The following ABCD2 variants were observed in gnomAD, a reference collection of about 807,000 sequenced individuals.
ABCD2 encodes ATP binding cassette subfamily D member 2.
In ABCD2, 36 loss-of-function variants were observed where a neutral mutation model predicts 70.9. The observed-to-expected ratio is 0.51, with a 90% CI of 0.39 to 0.67. The LOEUF (loss-of-function observed/expected upper bound fraction) is 0.67. ABCD2 is among the 30% of genes least tolerant of loss of function. The pLI is 0.00. For synonymous variants in ABCD2, 304 were observed against 306.9 expected (o/e 0.99, Z 0.10); for missense variants, 729 against 890.2 (o/e 0.82, Z 2.30).
intron 6 of ABCD2, among the ~76,000 whole-genome samples, chr12:39,589,829 T>C (rs910979850): frequency 6.6e-6 from 1 of 152,202 alleles, no homozygotes; most frequent in African/African-American, 2.4e-5. Flanking sequence ...TCAAATATTG[T>C]TTTATTAAAG....
chr12:39,590,829 A>G (rs1204163894), intron 6 of ABCD2, among the ~76,000 whole-genome samples: 1 of 152,026 alleles, frequency 6.6e-6, no homozygotes, highest in African/African-American at 2.4e-5. Flanking sequence ...ACAAAGCTAG[A>G]AAGAATGGGA....
chr12:39,580,715 A>C (rs996072254), intron 7 of ABCD2, among the ~76,000 whole-genome samples: 1 of 152,210 alleles, frequency 6.6e-6, no homozygotes, highest in Non-Finnish European at 1.5e-5. Context: ...ACAGATACTT[A>C]CAGCAAAATT....
rs373448064 is a variant in ABCD2, at chr12:39,583,214, C to T, written c.1792+2938G>A. ...ACTGTGCTAATGTTTTACATACAGTCTTATTTAATCTTCACAAAAAACTTA... is the reference window on the plus strand; with the variant it reads ...ACTGTGCTAATGTTTTACATACAGTTTTATTTAATCTTCACAAAAAACTTA... On this transcript the variant is annotated intron_variant, in intron 7 of 9. Coordinates refer to ENST00000308666, the MANE Select transcript of ABCD2 (RefSeq NM_005164.4). Among the ~76,000 whole-genome samples the T allele has an allele frequency of 1.3e-3, 202 of 152,204 alleles. 1 individual carries two copies. The highest frequency in any genetic ancestry group is 4.7e-3 in the African/African-American group (197 of 41,544).
the ABCD2 span, among the ~76,000 whole-genome samples, chr12:39,538,279 C>T: frequency 6.6e-6 from 1 of 151,178 alleles, no homozygotes; most frequent in Non-Finnish European, 1.5e-5. Flanking sequence ...AAGCGATTCT[C>T]CTGTCTCAGC....
intron 9 of ABCD2, among the ~76,000 whole-genome samples, chr12:39,570,563 C>T (rs925295322): frequency 6.6e-6 from 1 of 152,088 alleles, no homozygotes; most frequent in African/African-American, 2.4e-5. Flanking sequence ...TTATTGCTCA[C>T]CATATGCAAA....
intron 2 of ABCD2, among the ~76,000 whole-genome samples, chr12:39,616,253 A>T (rs1382846364): frequency 2.6e-5 from 4 of 152,158 alleles, no homozygotes; most frequent in African/African-American, 4.8e-5. Flanking sequence ...ACCAATTAAG[A>T]TCCAAGCTCC....
At chr12:39,542,671 A>C in the ABCD2 span, among the ~76,000 whole-genome samples, 1 of 152,292 alleles carries the variant, frequency 6.6e-6, no homozygotes, top group Non-Finnish European at 1.5e-5. Context: ...GCTGTGGAGT[A>C]TGAAGAGCAA....
In ABCD2 at chr12:39,595,025, C is replaced by G. The variant is rs952954156; in HGVS notation, c.1646+5546G>C. Among the ~76,000 whole-genome samples, 5 of 151,908 alleles carry G rather than the reference C, an allele frequency of 3.3e-5. 1 individual carries two copies. The highest frequency in any genetic ancestry group is 5.9e-5 in the Non-Finnish European group (4 of 67,978). On this transcript the variant is annotated intron_variant, in intron 6 of 9. Coordinates refer to ENST00000308666, the MANE Select transcript of ABCD2 (RefSeq NM_005164.4). Reference sequence around the variant, plus strand: ...AGGCTGCAGTGAGCCAAGATTGTGCCACTGCACTCCAGCCTGGGTGACAGA... The same window carrying G: ...AGGCTGCAGTGAGCCAAGATTGTGCGACTGCACTCCAGCCTGGGTGACAGA...
intron 6 of ABCD2, among the ~76,000 whole-genome samples, chr12:39,595,449 T>C (rs778247322): frequency 4.1e-4 from 62 of 152,224 alleles, no homozygotes; most frequent in Admixed American, 2.6e-4. Context: ...AATTAATATG[T>C]ATTATTCATG....
In ABCD2 at chr12:39,619,522, C is replaced by A; in HGVS notation, c.94G>T (p.Ala32Ser). 1 of 1,612,106 alleles carries A rather than the reference C, an allele frequency of 6.2e-7. No homozygotes were observed. Among genetic ancestry groups the A allele is most frequent in the South Asian group, 1.1e-5 (1 of 91,080 alleles). The part of the protein sequence containing the change: ...RAACLVAAAY[A>S]LKTLYPIIGK... ...ATGATGGGATAGAGGGTTTTCAGAGCATATGCCGCAGCCACCAGGCAGGCA... is the reference window on the plus strand; with the variant it reads ...ATGATGGGATAGAGGGTTTTCAGAGAATATGCCGCAGCCACCAGGCAGGCA... The change falls in exon 1 of 10, where the codon GCT becomes TCT. Residue 32 changes from alanine (A) to serine (S), a missense_variant. Ala to Ser is a moderately conservative substitution (Grantham distance 99, BLOSUM62 1). This residue lies in a region of ABCD2 where 245 missense variants were observed against 261.2 expected (regional missense o/e 0.94). Coordinates refer to ENST00000308666, the MANE Select transcript of ABCD2 (RefSeq NM_005164.4).
At chr12:39,568,779 T>C (rs1041752115) in intron 9 of ABCD2, among the ~76,000 whole-genome samples, 1 of 152,178 alleles carries the variant, frequency 6.6e-6, no homozygotes, top group Admixed American at 6.5e-5. Context: ...TGGTCTTTGA[T>C]GATGGTGATT....
intron 7 of ABCD2, among the ~76,000 whole-genome samples, chr12:39,584,121 A>G (rs1414922913): frequency 1.3e-5 from 2 of 152,156 alleles, no homozygotes; most frequent in African/African-American, 4.8e-5. Context: ...GAACTGATTT[A>G]CACTCCCACC....
chr12:39,585,838 T>C (rs553631711), intron 7 of ABCD2, among the ~76,000 whole-genome samples: 55 of 152,292 alleles, frequency 3.6e-4, no homozygotes, highest in Non-Finnish European at 6.0e-4. Context: ...ATGTCTGTCA[T>C]AGACTTTACA....
downstream of ABCD2, among the ~76,000 whole-genome samples, chr12:39,546,367 T>C (rs1170664267): frequency 6.6e-6 from 1 of 152,174 alleles, no homozygotes; most frequent in Non-Finnish European, 1.5e-5. Context: ...ACTTTTCAAG[T>C]GTTCCCTATC....
At chr12:39,599,689 C>G (rs1941869940) in intron 6 of ABCD2, among the ~76,000 whole-genome samples, 1 of 152,132 alleles carries the variant, frequency 6.6e-6, no homozygotes, top group East Asian at 1.9e-4. Context: ...GGCCAGTAGA[C>G]AGGATTGTAC....
At chr12:39,568,254 C>T (rs1221665892) in intron 9 of ABCD2, among the ~76,000 whole-genome samples, 2 of 152,342 alleles carry the variant, frequency 1.3e-5, no homozygotes, top group Admixed American at 6.5e-5. Context: ...CCGTCACTTT[C>T]AGGTACACCA....
Position 39,593,443 on chromosome 12 carries a change from G to A in ABCD2, c.1646+7128C>T, listed in dbSNP as rs1490339819. ...ACTTTTTTATTATTTGTATTGACGG[G>A]GTCCCCCTATGTTGCCAGGGCTAAC... On this transcript the variant is annotated intron_variant, in intron 6 of 9. Transcript: ENST00000308666. Among the ~76,000 whole-genome samples, 13 of 152,066 alleles carry A rather than the reference G, an allele frequency of 8.5e-5. No homozygotes were observed. The East Asian group carries it at 2.5e-3, about 29-fold the overall frequency.
chr12:39,554,031 T>G lies in ABCD2; in HGVS notation c.2104A>C (p.Lys702Gln). The G allele has an allele frequency of 6.2e-7, 1 of 1,613,712 alleles. No homozygotes were observed. ...ATTCCAGCTAGCTGAGATTCTAGCT[T>G]TTGTTTTTCTTCACTCAATGTCAAA... is the stretch of plus-strand genomic sequence containing the variant. ...IRLTLSEEKQ[K>Q]LESQLAGIPK... Residue 702 changes from lysine to glutamine, a missense_variant, in exon 10 of 10, where the codon AAG becomes CAG. Lys to Gln is a moderately conservative substitution (Grantham distance 53). This residue lies in a region of ABCD2 where 289 missense variants were observed against 328.8 expected (regional missense o/e 0.88). Transcript: ENST00000308666.
chr12:39,618,431 G>C (rs1942146890), intron 1 of ABCD2, among the ~76,000 whole-genome samples: 1 of 152,170 alleles, frequency 6.6e-6, no homozygotes, highest in South Asian at 2.1e-4. Context: ...AGGCTAAGTA[G>C]ACTTTTTTAG....
Sources: gnomAD v4.1 joint callset for allele counts (sites outside exome capture counted in the v4.1 genomes callset) on GRCh38, gnomAD v4.1.1 for gene constraint, gnomAD v4.1.1 regional missense constraint, MANE v1.5 for transcripts, NCBI Gene and HGNC (gene_info 2026-07-23, HGNC 2026-07-21) for gene names.